Variants in STARD8 observed in about 807,000 individuals in gnomAD.
STARD8 encodes stAR-related lipid transfer protein 8.
A neutral mutation model predicts 69.4 loss-of-function variants in STARD8; 25 were observed. That is an observed-to-expected ratio of 0.36 (90% CI 0.26 to 0.50). The LOEUF (loss-of-function observed/expected upper bound fraction) is 0.50. Ranked by LOEUF, STARD8 falls within the 20% of genes least tolerant of loss-of-function variation. The pLI, the probability that STARD8 is intolerant of heterozygous loss-of-function variation, is 0.96. For synonymous variants in STARD8, 389 were observed against 374.6 expected (o/e 1.04, Z -0.45); for missense variants, 921 against 932.5 (o/e 0.99, Z 0.16).
chrX:68,653,332 C>A (rs1180085353), intron 1 of STARD8, among the ~76,000 whole-genome samples: 9 of 25,646 alleles, frequency 3.5e-4, no homozygotes, highest in African/African-American at 6.2e-4. Context: ...ACACACACAC[C>A]CCACACACCA....
At chrX:68,678,121 C>A in intron 2 of STARD8, among the ~76,000 whole-genome samples, 1 of 110,697 alleles carries the variant, frequency 9.0e-6, no homozygotes, top group Admixed American at 9.7e-5. Flanking sequence ...ACCAATGCAC[C>A]GCTGAAAGGG....
intron 3 of STARD8, 83 bp from the exon 4 acceptor site, chrX:68,715,211 C>A (rs1422196809): frequency 1.2e-6 from 1 of 836,314 alleles, no homozygotes; most frequent in Non-Finnish European, 1.7e-6. Context: ...TCCTTCCTGG[C>A]CGTTCCCTTC....
intron 2 of STARD8, among the ~76,000 whole-genome samples, chrX:68,686,335 G>T (rs751263864): frequency 5.3e-5 from 6 of 112,546 alleles, no homozygotes; most frequent in African/African-American, 1.6e-4. Flanking sequence ...GCTCCCCGCG[G>T]ATTCGCTCAG....
At position 68,725,132 on chromosome X, in the gene STARD8, C is replaced by G. The variant is rs2080188878; in HGVS notation, c.*710C>G. 9.0e-6 allele frequency: 1 copy of G among 111,200 alleles called. No homozygotes were observed. The highest frequency in any genetic ancestry group is 3.9e-4 in the South Asian group (1 of 2,589). 9.2% of individuals were successfully genotyped at this position (111,200 alleles called of 1,213,427 possible). A position where few individuals can be genotyped will look rare whatever the true frequency, so the allele number is the denominator to read the frequency against. On this transcript the variant is annotated 3_prime_UTR_variant, in exon 15 of 15. Coordinates refer to ENST00000374599, the MANE Select transcript of STARD8 (RefSeq NM_001142503.3). The stretch of plus-strand genomic sequence containing the variant: ...CTCAAGTCTCGAGATGCCAGTGAAA[C>G]CAGTATTCCCTGACTTGGGTTTCAC...
chrX:68,652,794 A>C (rs1602533328), intron 1 of STARD8, among the ~76,000 whole-genome samples: 2 of 55,343 alleles, frequency 3.6e-5, no homozygotes, highest in Admixed American at 2.2e-4. Flanking sequence ...ACACACACAC[A>C]CACCACACAC....
At chrX:68,701,432 C>A (rs1322382840) in intron 2 of STARD8, among the ~76,000 whole-genome samples, 2 of 112,703 alleles carry the variant, frequency 1.8e-5, no homozygotes, top group Admixed American at 1.9e-4. Context: ...GGCCAGGAGG[C>A]AAGAGCTGAG....
chrX:68,658,106 A>G (rs1051121203), intron 1 of STARD8, among the ~76,000 whole-genome samples: 1 of 111,332 alleles, frequency 9.0e-6, no homozygotes, highest in Non-Finnish European at 1.9e-5. Context: ...TAGAACTAAT[A>G]CTAGCTAATA....
intron 1 of STARD8, among the ~76,000 whole-genome samples, chrX:68,653,981 G>A (rs1178011985): frequency 1.8e-5 from 2 of 111,858 alleles, no homozygotes; most frequent in African/African-American, 6.5e-5. Flanking sequence ...TGGGAAATCT[G>A]CCTGGAGCGC....
chrX:68,659,478 C>A (rs1402787943), intron 1 of STARD8, among the ~76,000 whole-genome samples: 2 of 110,978 alleles, frequency 1.8e-5, no homozygotes, highest in Non-Finnish European at 3.8e-5. Flanking sequence ...GCTCCCACCC[C>A]TGGTCAGACT....
chrX:68,707,828 C>A (rs1162234707), intron 2 of STARD8, among the ~76,000 whole-genome samples: 2 of 111,517 alleles, frequency 1.8e-5, no homozygotes, highest in African/African-American at 6.5e-5. Flanking sequence ...CTCTTATAAC[C>A]CACTGAGTGA....
chrX:68,689,296 T>TGGG (rs745735307), intron 2 of STARD8, among the ~76,000 whole-genome samples: 59 of 102,524 alleles, frequency 5.8e-4, no homozygotes, highest in East Asian at 3.5e-3. Flanking sequence ...CCCGAGGCGT[T>TGGG]AGTGGGGTGC....
At chrX:68,685,804 C>T (rs375109120) in intron 2 of STARD8, among the ~76,000 whole-genome samples, 72 of 112,653 alleles carry the variant, frequency 6.4e-4, no homozygotes, top group African/African-American at 2.3e-3. Flanking sequence ...TTCAAAGTGT[C>T]GTTGGTGGAA....
chrX:68,687,822 C>T (rs1173726612), intron 2 of STARD8, among the ~76,000 whole-genome samples: 2 of 112,037 alleles, frequency 1.8e-5, no homozygotes, highest in East Asian at 5.7e-4. Flanking sequence ...CCCCGGAAGC[C>T]TGGCTGCCCC....
At chrX:68,671,215 C>A (rs1435363446) in intron 2 of STARD8, among the ~76,000 whole-genome samples, 1 of 112,603 alleles carries the variant, frequency 8.9e-6, no homozygotes, top group Non-Finnish European at 1.9e-5. Flanking sequence ...TCCTATATTT[C>A]TGAGCCCCAT....
At chrX:68,661,561 A>G (rs2079644490) in intron 1 of STARD8, among the ~76,000 whole-genome samples, 1 of 111,597 alleles carries the variant, frequency 9.0e-6, no homozygotes, top group African/African-American at 3.3e-5. Flanking sequence ...CAGATGCTCC[A>G]CAGACTTTTT....
At chrX:68,653,781 AACACACACACCACATACAC>A (rs1294748688) in intron 1 of STARD8, among the ~76,000 whole-genome samples, 5 of 98,069 alleles carry the variant, frequency 5.1e-5, no homozygotes, top group African/African-American at 7.6e-5. Flanking sequence ...ACATACCACA[AACACACACACCACATACAC>A]ACACACACAC....
intron 2 of STARD8, among the ~76,000 whole-genome samples, chrX:68,668,378 C>A (rs2079707217): frequency 9.7e-6 from 1 of 103,047 alleles, no homozygotes; most frequent in African/African-American, 3.6e-5. Context: ...GGCTGAAGCG[C>A]AGTGGTGCAG....
chrX:68,650,899 G>A (rs1418498585), intron 1 of STARD8, among the ~76,000 whole-genome samples: 1 of 112,668 alleles, frequency 8.9e-6, no homozygotes, highest in African/African-American at 3.2e-5. Context: ...GGTCCCAGAC[G>A]TTTGCACGCA....
chrX:68,723,833 G>T lies in STARD8; in HGVS notation c.3007G>T (p.Val1003Leu), dbSNP rs1275047356. 1.0e-5 allele frequency: 12 copies of T among 1,198,515 alleles called. No individual in the cohort carries two copies. Among genetic ancestry groups the T allele is most frequent in the Non-Finnish European group, 1.4e-5 (12 of 888,658 alleles). ...SMAPHPCRDF[V>L]VLRMWRSDLP... ...GGCACCCCATCCCTGCCGCGACTTT[G>T]TGGTGCTTCGGTGAGGGGCTGCAGC... is the stretch of plus-strand genomic sequence containing the variant. The change falls in exon 13 of 15, where the codon GTG (valine) becomes TTG (leucine). Residue 1003 changes from valine (V) to leucine (L), a missense_variant. Coordinates refer to ENST00000374599, the MANE Select transcript of STARD8 (RefSeq NM_001142503.3).
Sources: gnomAD v4.1 joint callset for allele counts (sites outside exome capture counted in the v4.1 genomes callset) on GRCh38, gnomAD v4.1.1 for gene constraint, MANE v1.5 for transcripts, NCBI Gene and HGNC (gene_info 2026-07-23, HGNC 2026-07-21) for gene names.